The following NUP93 variants were observed in gnomAD, a reference collection of about 807,000 sequenced individuals.
NUP93 encodes the protein nuclear pore complex protein Nup93.
In NUP93, 55 loss-of-function variants were observed where a neutral mutation model predicts 107.8. The ratio of observed to expected loss-of-function variants is 0.51; its 90% CI spans 0.41 to 0.64. NUP93 has a LOEUF of 0.64. NUP93 is among the 30% of genes least tolerant of loss of function. The pLI, the probability that NUP93 is intolerant of heterozygous loss-of-function variation, is 0.00. For missense variants in NUP93, 937 were observed against 1,044.7 expected, an observed-to-expected ratio of 0.90 and a Z score of 1.42; for synonymous variants, 390 against 397.5, an observed-to-expected ratio of 0.98 and a Z score of 0.22.
intron 1 of NUP93, among the ~76,000 whole-genome samples, chr16:56,738,946 T>TTTC (rs1961656403): frequency 9.2e-5 from 2 of 21,680 alleles, no homozygotes; most frequent in Non-Finnish European, 1.6e-4. Flanking sequence ...GCTAAATTTC[T>TTTC]TTTTTTTTTT....
At chr16:56,772,041 C>A (rs1215483614) in intron 3 of NUP93, among the ~76,000 whole-genome samples, 1 of 152,014 alleles carries the variant, frequency 6.6e-6, no homozygotes, top group Non-Finnish European at 1.5e-5. Flanking sequence ...GGTCTTTTCT[C>A]CTTTCTTCCT....
chr16:56,735,120 G>C (rs1961591207), intron 1 of NUP93, among the ~76,000 whole-genome samples: 1 of 152,216 alleles, frequency 6.6e-6, no homozygotes, highest in Non-Finnish European at 1.5e-5. Flanking sequence ...ATTTAGATGA[G>C]GGAAACTTTC....
At chr16:56,833,480 C>T in intron 13 of NUP93, 74 bp downstream of exon 13, 2 of 1,227,210 alleles carry the variant, frequency 1.6e-6, no homozygotes, top group Non-Finnish European at 2.2e-6. Flanking sequence ...GGCCACAAAA[C>T]CACAACCAAT....
chr16:56,826,280 G>T (rs1039188864), intron 8 of NUP93, among the ~76,000 whole-genome samples: 10 of 152,210 alleles, frequency 6.6e-5, no homozygotes, highest in Non-Finnish European at 1.2e-4. Context: ...GGGTGGCCAA[G>T]GTGGGTGGAT....
At chr16:56,749,688 G>A (rs934010114) in intron 2 of NUP93, among the ~76,000 whole-genome samples, 1 of 152,210 alleles carries the variant, frequency 6.6e-6, no homozygotes, top group East Asian at 1.9e-4. Flanking sequence ...GTTCTTGAGA[G>A]CTGAATGTTT....
intron 5 of NUP93, among the ~76,000 whole-genome samples, chr16:56,808,132 AT>A (rs1424789706): frequency 7.7e-5 from 8 of 103,712 alleles, no homozygotes; most frequent in African/African-American, 1.5e-4. Flanking sequence ...AACTATATAA[AT>A]ATATTTATAT....
chr16:56,776,508 A>G (rs1417366023), intron 3 of NUP93, among the ~76,000 whole-genome samples: 1 of 152,230 alleles, frequency 6.6e-6, no homozygotes, highest in East Asian at 1.9e-4. Flanking sequence ...GACAATGTTC[A>G]GCTTTAGTAT....
At position 56,830,571 on chromosome 16, in the gene NUP93, A is replaced by G. The variant is rs1963761288; in HGVS notation, c.971A>G (p.Tyr324Cys). ...EGHPVWALIY[Y>C]CMRCGDLLAA... The stretch of plus-strand genomic sequence containing the variant: ...CATCCTGTGTGGGCGCTAATTTACT[A>G]CTGCATGCGCTGTGGAGACCTGCTT... Residue 324 changes from tyrosine to cysteine, a missense_variant, in exon 10 of 22, where the codon TAC becomes TGC. Tyr to Cys is a radical substitution (Grantham distance 194). Transcript: ENST00000308159. 2.5e-6 allele frequency: 4 copies of G among 1,603,188 alleles called. No individual in the cohort carries two copies. The highest frequency in any genetic ancestry group is 3.4e-6 in the Non-Finnish European group (4 of 1,171,246).
chr16:56,737,099 T>C (rs983583707), intron 1 of NUP93, among the ~76,000 whole-genome samples: 1 of 152,250 alleles, frequency 6.6e-6, no homozygotes, highest in Non-Finnish European at 1.5e-5. Context: ...AAAGCATTTC[T>C]GGTACTTTGG....
intron 8 of NUP93, among the ~76,000 whole-genome samples, chr16:56,825,205 CTTTTT>C (rs34378384): frequency 1.3e-5 from 1 of 76,344 alleles, no homozygotes; most frequent in African/African-American, 5.4e-5. Context: ...CCATACCCAG[CTTTTT>C]TTTTTTTTTT....
At chr16:56,789,613 C>T (rs928931169) in intron 3 of NUP93, among the ~76,000 whole-genome samples, 2 of 152,230 alleles carry the variant, frequency 1.3e-5, no homozygotes, top group African/African-American at 4.8e-5. Flanking sequence ...GCGTCTGCTG[C>T]CACCTGCTGA....
chr16:56,794,733 C>A (rs548785618), intron 3 of NUP93, among the ~76,000 whole-genome samples: 191 of 151,806 alleles, frequency 1.3e-3, no homozygotes, highest in African/African-American at 4.2e-3. Context: ...TCGAGACCAT[C>A]CTGGCTAACA....
At chr16:56,740,129 C>T (rs1378789580) in intron 1 of NUP93, among the ~76,000 whole-genome samples, 5 of 145,314 alleles carry the variant, frequency 3.4e-5, no homozygotes, top group East Asian at 2.2e-4. Flanking sequence ...GGGGGCTGAC[C>T]CCCCCACCTC....
Position 56,795,771 on chromosome 16 carries a change from C to T in NUP93, c.298-2705C>T, listed in dbSNP as rs558566244. Among the ~76,000 whole-genome samples, 274 of 152,062 alleles carry T rather than the reference C, an allele frequency of 1.8e-3. 1 individual carries two copies. Among genetic ancestry groups the T allele is most frequent in the African/African-American group, 6.2e-3 (256 of 41,468 alleles). ...AAGCAATTCTCCTGCCTTAGCCTCC[C>T]GAGTAGCTGGGATTATAGGCGCCCG... On this transcript the variant is annotated intron_variant, in intron 3 of 21. Transcript: ENST00000308159.
intron 21 of NUP93, chr16:56,842,441 T>G: frequency 2.7e-6 from 1 of 370,068 alleles, no homozygotes; most frequent in East Asian, 7.8e-5. Context: ...TCAAGTGGAG[T>G]CCAGGTAGCT....
chr16:56,731,477 G>A (rs968272290), intron 1 of NUP93, among the ~76,000 whole-genome samples: 2 of 150,296 alleles, frequency 1.3e-5, no homozygotes, highest in East Asian at 1.9e-4. Flanking sequence ...TCGTGTCATC[G>A]TGTGACTGCA....
intron 3 of NUP93, chr16:56,781,766 C>G (rs541128531): frequency 1.7e-4 from 159 of 945,796 alleles, no homozygotes; most frequent in Non-Finnish European, 1.9e-4. Flanking sequence ...GTCTCTCCCC[C>G]TCTTAAATCT....
At position 56,803,867 on chromosome 16, in the gene NUP93, G is replaced by T. The variant is rs143968858; in HGVS notation, c.361-1637G>T. Among the ~76,000 whole-genome samples, 122 of 151,874 alleles carry T rather than the reference G, an allele frequency of 8.0e-4. No individual in the cohort carries two copies. The East Asian group carries it at 0.017, about 21-fold the overall frequency. Reference sequence around the variant, plus strand: ...TCACTGCAACCTCTATTCTCATGTCGCAGCCTCCCAAGTAGCTGGGATTAC... The same window carrying T: ...TCACTGCAACCTCTATTCTCATGTCTCAGCCTCCCAAGTAGCTGGGATTAC... On this transcript the variant is annotated intron_variant, in intron 4 of 21. Transcript: ENST00000308159.
chr16:56,755,719 A>G (rs1962006571), intron 2 of NUP93, among the ~76,000 whole-genome samples: 1 of 152,098 alleles, frequency 6.6e-6, no homozygotes, highest in African/African-American at 2.4e-5. Context: ...TAGTGAAAAT[A>G]CAAAAATTAG....
Sources: gnomAD v4.1 joint callset for allele counts (sites outside exome capture counted in the v4.1 genomes callset) on GRCh38, gnomAD v4.1.1 for gene constraint, MANE v1.5 for transcripts, NCBI Gene and HGNC (gene_info 2026-07-23, HGNC 2026-07-21) for gene names.